Variants in ERMP1 observed in about 807,000 individuals in gnomAD.
ERMP1 encodes Felix-ina.
Under a neutral mutation model 92.0 loss-of-function variants are expected in ERMP1, and 86 were observed. That is an observed-to-expected ratio of 0.93 (90% CI 0.79 to 1.12). ERMP1 has a LOEUF of 1.12. Among genes scored for constraint, ERMP1 ranks in the 50% most tolerant of loss-of-function variants. ERMP1 has a pLI of 0.00. For synonymous variants in ERMP1, 530 were observed against 412.8 expected, an observed-to-expected ratio of 1.28 and a Z score of -3.44; for missense variants, 1,342 against 1,116.3, an observed-to-expected ratio of 1.20 and a Z score of -2.88.
At chr9:5,819,787 T>C (rs1300254857) in intron 4 of ERMP1, among the ~76,000 whole-genome samples, 4 of 152,328 alleles carry the variant, frequency 2.6e-5, no homozygotes, top group Non-Finnish European at 5.9e-5. Flanking sequence ...TCACGTGTTG[T>C]ATGATTACAT....
chr9:5,815,364 T>C (rs1829260972), intron 4 of ERMP1, among the ~76,000 whole-genome samples: 4 of 151,964 alleles, frequency 2.6e-5, no homozygotes, highest in Admixed American at 2.6e-4. Flanking sequence ...CAAAAAGACA[T>C]GTCAAAGGGG....
intron 13 of ERMP1, among the ~76,000 whole-genome samples, chr9:5,793,555 C>G (rs1439937439): frequency 1.3e-5 from 2 of 151,942 alleles, no homozygotes; most frequent in Non-Finnish European, 2.9e-5. Context: ...TACAGAAAAC[C>G]CATTTTAACT....
At chr9:5,811,066 T>C (rs765914760) in intron 7 of ERMP1, 45 bp downstream of exon 7, 64 of 1,360,590 alleles carry the variant, frequency 4.7e-5, no homozygotes, top group Middle Eastern at 3.6e-4. Flanking sequence ...TCAAGCACAT[T>C]CTACAGCAAT....
intron 11 of ERMP1, among the ~76,000 whole-genome samples, chr9:5,800,651 G>A (rs1828634138): frequency 6.6e-6 from 1 of 152,052 alleles, no homozygotes; most frequent in Non-Finnish European, 1.5e-5. Context: ...ACTCCAGCCT[G>A]GGCAACAGAC....
chr9:5,821,196 T>G (rs966209017), intron 4 of ERMP1, among the ~76,000 whole-genome samples: 1 of 152,234 alleles, frequency 6.6e-6, no homozygotes, highest in Non-Finnish European at 1.5e-5. Context: ...ATCATATACA[T>G]TGCAAAAATT....
chr9:5,825,812 T>C (rs1011017379), intron 2 of ERMP1, among the ~76,000 whole-genome samples: 2 of 152,230 alleles, frequency 1.3e-5, no homozygotes, highest in Non-Finnish European at 2.9e-5. Context: ...CTAAGTAGTA[T>C]CCTAGGTCCC....
chr9:5,839,603 C>T (rs751466267), intron 6 of ERMP1, among the ~76,000 whole-genome samples: 22 of 152,232 alleles, frequency 1.4e-4, no homozygotes, highest in Non-Finnish European at 2.4e-4. Context: ...TCTAGGTGTG[C>T]GCACCTGGAG....
At chr9:5,798,027 G>C in intron 12 of ERMP1, 95 bp from the exon 13 acceptor site, 1 of 793,630 alleles carries the variant, frequency 1.3e-6, no homozygotes. Context: ...ACACATTTTT[G>C]GGTATGAAAA....
At chr9:5,860,027 C>A (rs774840661) in intron 5 of ERMP1, among the ~76,000 whole-genome samples, 7 of 151,784 alleles carry the variant, frequency 4.6e-5, no homozygotes, top group Non-Finnish European at 8.8e-5. Flanking sequence ...TGGTCAGGCA[C>A]AGTGGCTTAT....
chr9:5,863,411 C>T (rs941545598), intron 5 of ERMP1, among the ~76,000 whole-genome samples: 10 of 152,166 alleles, frequency 6.6e-5, no homozygotes, highest in African/African-American at 2.4e-4. Context: ...TCCCATTACT[C>T]CTTGCATCAA....
At chr9:5,858,464 C>G (rs1409860129) in intron 6 of ERMP1, among the ~76,000 whole-genome samples, 1 of 152,140 alleles carries the variant, frequency 6.6e-6, no homozygotes, top group African/African-American at 2.4e-5. Flanking sequence ...ATAACTTTCT[C>G]AAAGACAGGG....
intron 5 of ERMP1, among the ~76,000 whole-genome samples, chr9:5,865,526 T>C (rs1460339760): frequency 1.6e-5 from 2 of 128,124 alleles, no homozygotes; most frequent in African/African-American, 3.0e-5. Flanking sequence ...ATAATAATAA[T>C]AATAATAATA....
At chr9:5,854,518 C>A (rs575745094) in intron 6 of ERMP1, among the ~76,000 whole-genome samples, 1 of 152,250 alleles carries the variant, frequency 6.6e-6, no homozygotes, top group South Asian at 2.1e-4. Context: ...ATTTATTAGT[C>A]AGTAGTTCCA....
intron 4 of ERMP1, among the ~76,000 whole-genome samples, chr9:5,821,780 C>T (rs891066402): frequency 1.3e-5 from 2 of 152,188 alleles, no homozygotes; most frequent in African/African-American, 4.8e-5. Flanking sequence ...AGGCACTTAA[C>T]ACATAGTATA....
chr9:5,836,586 C>T (rs1830098118), upstream of ERMP1, among the ~76,000 whole-genome samples: 1 of 152,174 alleles, frequency 6.6e-6, no homozygotes, highest in Non-Finnish European at 1.5e-5. Flanking sequence ...GAGAGTGAAC[C>T]AGCTTTGTTT....
In ERMP1 at chr9:5,808,683, T is replaced by TG. The variant is rs199688456; in HGVS notation, c.1548+1327dup. Among the ~76,000 whole-genome samples, 19 of 152,336 alleles carry TG rather than the reference T, an allele frequency of 1.2e-4. No homozygotes were observed. In the East Asian group the frequency reaches 3.7e-3, roughly 29 times the overall value. Reference sequence around the variant, plus strand: ...AATTCACATAAACAATCTGAAACCATGACTCTTCACTGTAATTCATTTTTA... The same window carrying TG: ...AATTCACATAAACAATCTGAAACCATGGACTCTTCACTGTAATTCATTTTTA... On this transcript the variant is annotated intron_variant, in intron 8 of 14. Transcript: ENST00000339450.
intron 3 of ERMP1, among the ~76,000 whole-genome samples, chr9:5,824,685 G>A (rs1411042885): frequency 6.6e-6 from 1 of 152,256 alleles, no homozygotes; most frequent in South Asian, 2.1e-4. Context: ...ATAGGCATGA[G>A]CCAGCGTGCC....
intron 10 of ERMP1, among the ~76,000 whole-genome samples, chr9:5,803,071 T>C (rs1464632913): frequency 2.0e-5 from 3 of 152,206 alleles, no homozygotes; most frequent in South Asian, 2.1e-4. Context: ...AAAACCGTGA[T>C]TGCTTGACAA....
intron 6 of ERMP1, among the ~76,000 whole-genome samples, chr9:5,857,024 C>CT (rs1483081310): frequency 3.3e-5 from 5 of 151,554 alleles, no homozygotes; most frequent in African/African-American, 4.8e-5. Flanking sequence ...ACTTTTTTTT[C>CT]TTTTTTTTCA....
Sources: allele counts gnomAD v4.1 joint callset (sites outside exome capture counted in the v4.1 genomes callset), GRCh38; gene constraint gnomAD v4.1.1; transcripts MANE v1.5; gene names NCBI Gene and HGNC (gene_info 2026-07-23, HGNC 2026-07-21).